The following USP26 variants were observed in gnomAD, a reference collection of about 807,000 sequenced individuals.
USP26 encodes ubiquitin carboxyl-terminal hydrolase 26.
For missense variants in USP26, 649 were observed against 642.3 expected (o/e 1.01, Z -0.11); for synonymous variants, 236 against 240.6 (o/e 0.98, Z 0.18).
chrX:133,042,750 G>A (rs958644604), intron 5 of USP26, among the ~76,000 whole-genome samples: 1 of 112,019 alleles, frequency 8.9e-6, no homozygotes, highest in Non-Finnish European at 1.9e-5. Flanking sequence ...TCCACCTATT[G>A]AGGACACAGT....
chrX:133,076,867 C>G (rs2067550632), intron 5 of USP26, among the ~76,000 whole-genome samples: 1 of 111,998 alleles, frequency 8.9e-6, no homozygotes, highest in Non-Finnish European at 1.9e-5. Context: ...GTGCTACAAG[C>G]CATTCAGATA....
chrX:133,037,263 G>A (rs896600557), intron 5 of USP26, among the ~76,000 whole-genome samples: 2 of 112,136 alleles, frequency 1.8e-5, no homozygotes, highest in African/African-American at 3.2e-5. Flanking sequence ...CCTATGTCCT[G>A]AATGGTATTG....
intron 5 of USP26, among the ~76,000 whole-genome samples, chrX:133,029,564 G>C (rs1156840628): frequency 1.8e-5 from 2 of 111,765 alleles, no homozygotes; most frequent in Non-Finnish European, 3.8e-5. Context: ...TCCTACTATA[G>C]ATGCTAAGTA....
intron 5 of USP26, among the ~76,000 whole-genome samples, chrX:133,059,759 C>T (rs2067488738): frequency 9.0e-6 from 1 of 111,551 alleles, no homozygotes; most frequent in Non-Finnish European, 1.9e-5. Flanking sequence ...TAAACGGGTT[C>T]AGGACCTAGA....
chrX:133,082,192 T>C (rs1386301344), intron 5 of USP26, among the ~76,000 whole-genome samples: 1 of 111,919 alleles, frequency 8.9e-6, no homozygotes, highest in Non-Finnish European at 1.9e-5. Context: ...TCCTGTTTGC[T>C]TTATTGTCAT....
chrX:133,059,915 TAA>T (rs759888692), intron 5 of USP26, among the ~76,000 whole-genome samples: 1 of 112,181 alleles, frequency 8.9e-6, no homozygotes, highest in South Asian at 3.7e-4. Context: ...TTTGGAGGTA[TAA>T]GAGTGCTAAT....
chrX:133,077,943 G>C (rs1199527201), intron 5 of USP26, among the ~76,000 whole-genome samples: 1 of 111,020 alleles, frequency 9.0e-6, no homozygotes, highest in African/African-American at 3.3e-5. Flanking sequence ...AATTAGCCAA[G>C]CATGGTGGTG....
At chrX:133,031,099 T>C (rs2067374694) in intron 5 of USP26, among the ~76,000 whole-genome samples, 1 of 111,974 alleles carries the variant, frequency 8.9e-6, no homozygotes, top group Non-Finnish European at 1.9e-5. Context: ...ATTATCATTT[T>C]TTCACAACTT....
chrX:133,061,010 G>A (rs1272451673), intron 5 of USP26, among the ~76,000 whole-genome samples: 1 of 111,846 alleles, frequency 8.9e-6, no homozygotes. Flanking sequence ...CAAATATTAT[G>A]CCATTTTACA....
Position 133,032,198 on chromosome X carries a change from CCAAA to C in USP26, c.-76-3906_-76-3903del, listed in dbSNP as rs755097277. Reference sequence around the variant, plus strand: ...ACCAACCAACCAACCAACCAACCAACCAAACAAACAAACAAAAACCCAAAGTTAG... The same window carrying C: ...ACCAACCAACCAACCAACCAACCAACCAAACAAACAAAAACCCAAAGTTAG... On this transcript the variant is annotated intron_variant, in intron 5 of 5. Coordinates refer to ENST00000511190, the MANE Select transcript of USP26 (RefSeq NM_031907.3). 4.4e-3 allele frequency among the ~76,000 whole-genome samples: 482 copies of C among 108,895 alleles called. 3 individuals are homozygous for C. Among genetic ancestry groups the C allele is most frequent in the African/African-American group, 0.015 (435 of 29,848 alleles). The allele number at this position is 108,895 out of a possible 115,157, so 94.6% of individuals were successfully genotyped here.
rs2067552987 is a variant in USP26, at chrX:133,077,319, T to G, written c.-77+6388A>C. On this transcript the variant is annotated intron_variant, in intron 5 of 5. Coordinates refer to ENST00000511190, the MANE Select transcript of USP26 (RefSeq NM_031907.3). ...TATCTTGGGAGAACCAAATTTTAAC[T>G]GCTGGCCCAATGTTAAATATAATCC... Among the ~76,000 whole-genome samples the G allele has an allele frequency of 2.7e-5, 3 of 112,214 alleles. No homozygotes were observed. The South Asian group carries it at 1.1e-3, about 42-fold the overall frequency.
chrX:133,068,483 G>T (rs1192043547), intron 5 of USP26, among the ~76,000 whole-genome samples: 2 of 112,617 alleles, frequency 1.8e-5, no homozygotes, highest in Non-Finnish European at 3.8e-5. Context: ...TGAAAAATAA[G>T]CGGTGCTTTC....
intron 4 of USP26, among the ~76,000 whole-genome samples, chrX:133,084,180 ACTT>A (rs1230629100): frequency 4.0e-5 from 4 of 100,195 alleles, no homozygotes; most frequent in Non-Finnish European, 6.5e-5. Flanking sequence ...CTTGAGCACA[ACTT>A]CTTATTTATT....
At chrX:133,080,545 T>A (rs1270342657) in intron 5 of USP26, among the ~76,000 whole-genome samples, 1 of 110,391 alleles carries the variant, frequency 9.1e-6, no homozygotes, top group Non-Finnish European at 1.9e-5. Flanking sequence ...GTAACACAAC[T>A]CCCCAATTAA....
intron 5 of USP26, among the ~76,000 whole-genome samples, chrX:133,057,373 C>T: frequency 9.0e-6 from 1 of 111,698 alleles, no homozygotes; most frequent in Non-Finnish European, 1.9e-5. Context: ...ATTTGTTAGC[C>T]TTGCTAGAAG....
In USP26 at chrX:133,025,181, T is replaced by C; in HGVS notation, c.*298A>G. On this transcript the variant is annotated 3_prime_UTR_variant, in exon 6 of 6. Transcript: ENST00000511190. ...CTGCAGTGAGTTATTATTGAAGGACTGCACTCTAGCCAGGATGACAGAGCA... is the reference window on the plus strand; with the variant it reads ...CTGCAGTGAGTTATTATTGAAGGACCGCACTCTAGCCAGGATGACAGAGCA... The C allele has an allele frequency of 3.2e-6, 1 of 311,988 alleles. No individual in the cohort carries two copies. The highest frequency in any genetic ancestry group is 2.6e-5 in the African/African-American group (1 of 38,036). The allele number at this position is 311,988 out of a possible 1,213,427, so 25.7% of individuals were successfully genotyped here.
At chrX:133,060,278 G>T (rs1404013186) in intron 5 of USP26, among the ~76,000 whole-genome samples, 1 of 111,864 alleles carries the variant, frequency 8.9e-6, no homozygotes, top group Non-Finnish European at 1.9e-5. Flanking sequence ...TGTTCAGTAG[G>T]TTAATGCTGA....
At chrX:133,028,517 C>A (rs1295213541) in intron 5 of USP26, among the ~76,000 whole-genome samples, 1 of 111,878 alleles carries the variant, frequency 8.9e-6, no homozygotes, top group African/African-American at 3.2e-5. Flanking sequence ...ATTCTTTAAA[C>A]TATTACAGAA....
intron 5 of USP26, among the ~76,000 whole-genome samples, chrX:133,080,940 T>C (rs1357882693): frequency 9.0e-6 from 1 of 111,461 alleles, no homozygotes; most frequent in African/African-American, 3.3e-5. Flanking sequence ...ATCAAATATA[T>C]AAACTAATTA....
Sources: allele counts gnomAD v4.1 joint callset (sites outside exome capture counted in the v4.1 genomes callset), GRCh38; gene constraint gnomAD v4.1.1; transcripts MANE v1.5; gene names NCBI Gene and HGNC (gene_info 2026-07-23, HGNC 2026-07-21).